The following EIF4E variants were observed in gnomAD, a reference collection of about 807,000 sequenced individuals.
EIF4E encodes the protein eIF-4F 25 kDa subunit.
For missense variants in EIF4E, 113 were observed against 265.6 expected, an observed-to-expected ratio of 0.43 and a Z score of 3.99; for synonymous variants, 71 against 88.5, an observed-to-expected ratio of 0.80 and a Z score of 1.11.
At chr4:98,912,739 T>C (rs547573057) in intron 1 of EIF4E, among the ~76,000 whole-genome samples, 4 of 152,344 alleles carry the variant, frequency 2.6e-5, no homozygotes, top group Middle Eastern at 3.4e-3. Context: ...CTTAAAGCTT[T>C]ATAAGAAGTA....
chr4:98,897,182 G>T (rs190599150), intron 2 of EIF4E, among the ~76,000 whole-genome samples: 11 of 152,076 alleles, frequency 7.2e-5, no homozygotes, highest in Non-Finnish European at 1.5e-4. Context: ...TGGTGCCTTA[G>T]CAAGAACCAA....
At chr4:98,915,744 G>A (rs1725349602) in intron 1 of EIF4E, among the ~76,000 whole-genome samples, 2 of 151,518 alleles carry the variant, frequency 1.3e-5, no homozygotes. Flanking sequence ...GTTTCGCCAT[G>A]TTGGCCAGGC....
Position 98,887,850 on chromosome 4 carries a change from G to A in EIF4E, c.285+39C>T. ...TTCTTAATGAATACCAAATGGCCCA[G>A]TCCTATAATAAATATATAAAATCAC... On this transcript the variant is annotated intron_variant, in intron 4 of 6. Transcript: ENST00000450253. This position sits in a 1 kb window ranked among gnomAD's most constrained non-coding sequence, Gnocchi z 4.0. 1 of 1,570,308 alleles carries A rather than the reference G, an allele frequency of 6.4e-7. No homozygotes were observed. Among genetic ancestry groups the A allele is most frequent in the Admixed American group, 1.7e-5 (1 of 59,374 alleles).
chr4:98,914,836 T>C (rs1725311155), intron 1 of EIF4E, among the ~76,000 whole-genome samples: 1 of 152,192 alleles, frequency 6.6e-6, no homozygotes, highest in Non-Finnish European at 1.5e-5. Context: ...CATTCTGTTG[T>C]AGGATGTTGA....
chr4:98,903,364 T>G (rs557843437), intron 1 of EIF4E: 94 of 424,238 alleles, frequency 2.2e-4, no homozygotes, highest in Non-Finnish European at 3.2e-4. Context: ...ATATGGGTTT[T>G]TTTTTTTTTT....
intron 1 of EIF4E, among the ~76,000 whole-genome samples, chr4:98,927,896 T>C (rs1422473362): frequency 6.6e-6 from 1 of 152,128 alleles, no homozygotes; most frequent in African/African-American, 2.4e-5. Flanking sequence ...GAAGTTTCAG[T>C]GAGCCAGTCC....
chr4:98,912,867 A>G (rs1725213322), intron 1 of EIF4E, among the ~76,000 whole-genome samples: 1 of 152,174 alleles, frequency 6.6e-6, no homozygotes, highest in Non-Finnish European at 1.5e-5. Flanking sequence ...AAAAAAATCA[A>G]TCTTTACATG....
intron 1 of EIF4E, among the ~76,000 whole-genome samples, chr4:98,914,396 T>TC (rs1725287369): frequency 6.6e-6 from 1 of 150,562 alleles, no homozygotes; most frequent in Non-Finnish European, 1.5e-5. Flanking sequence ...AAAGCACTTT[T>TC]TTTTTTTGCT....
At chr4:98,892,722 TGATATTTCTCA>T (rs1724207216) in intron 2 of EIF4E, among the ~76,000 whole-genome samples, 1 of 150,430 alleles carries the variant, frequency 6.6e-6, no homozygotes, top group South Asian at 2.1e-4. Flanking sequence ...ACAGGTTGGC[TGATATTTCTCA>T]GAGGAACAAA....
intron 2 of EIF4E, among the ~76,000 whole-genome samples, chr4:98,896,182 G>A (rs546311904): frequency 4.4e-5 from 6 of 135,896 alleles, no homozygotes; most frequent in Middle Eastern, 6.9e-3. Context: ...GTGACAGAGC[G>A]AGGCTCCATC....
intron 1 of EIF4E, among the ~76,000 whole-genome samples, chr4:98,924,841 C>G (rs955636613): frequency 2.6e-5 from 4 of 152,100 alleles, no homozygotes; most frequent in African/African-American, 9.7e-5. Context: ...GATCCCCACC[C>G]GCCTCGGCCT....
intron 1 of EIF4E, among the ~76,000 whole-genome samples, chr4:98,911,661 CAAAAA>C (rs767631331): frequency 1.2e-4 from 7 of 60,038 alleles, no homozygotes; most frequent in South Asian, 7.7e-4. Flanking sequence ...AACTCTGTCT[CAAAAA>C]AAAAAAAAAA....
Position 98,887,542 on chromosome 4 carries a change from T to C in EIF4E, c.285+347A>G, listed in dbSNP as rs1813867. Among the ~76,000 whole-genome samples the C allele has an allele frequency of 0.97, 148,365 of 152,246 alleles. 72,312 individuals carry two copies. Among genetic ancestry groups the C allele is most frequent in the East Asian group, 1 (5,175 of 5,180 alleles). The stretch of plus-strand genomic sequence containing the variant: ...TTTCAGTTAATGAATGTCCCGTCCC[T>C]CTACCAACTGACAAAGCCCAATAAT... On this transcript the variant is annotated intron_variant, in intron 4 of 6. Transcript: ENST00000450253. This position sits in a 1 kb window ranked among gnomAD's most constrained non-coding sequence, Gnocchi z 4.0.
chr4:98,890,942 C>G (rs1010703871), intron 3 of EIF4E: 4 of 418,370 alleles, frequency 9.6e-6, no homozygotes, highest in African/African-American at 8.1e-5. Context: ...TCTTGGCAAC[C>G]AGGAGTGGAA....
intron 5 of EIF4E, chr4:98,886,544 T>C (rs1204963326): frequency 2.4e-6 from 1 of 417,796 alleles, no homozygotes; most frequent in Non-Finnish European, 4.8e-6. Context: ...CAAGATCCCA[T>C]CTCTGGAAAA....
chr4:98,881,160 A>G lies in EIF4E; in HGVS notation c.540-18T>C, dbSNP rs775892925. 1.3e-5 allele frequency: 21 copies of G among 1,567,640 alleles called. No individual in the cohort carries two copies. In the South Asian group the frequency reaches 2.4e-4, roughly 18 times the overall value. On this transcript the variant is annotated intron_variant, in intron 6 of 6. Transcript: ENST00000450253. ...ATACCCTCCTAGAAGAAAAAAAAAA[A>G]GAAGAAGAAAAAAGTAGTCATTAAC...
chr4:98,917,507 A>C (rs1450963083), intron 1 of EIF4E, among the ~76,000 whole-genome samples: 1 of 152,168 alleles, frequency 6.6e-6, no homozygotes. Context: ...TCAGATTATC[A>C]TTTTTATGAG....
At chr4:98,895,578 G>T (rs1233657172) in intron 2 of EIF4E, 3 of 152,128 alleles carry the variant, frequency 2.0e-5, no homozygotes, top group East Asian at 1.9e-4. Flanking sequence ...ACAGAAAAAT[G>T]AGATGCATTT....
At chr4:98,918,504 T>C (rs1303228927) in intron 1 of EIF4E, among the ~76,000 whole-genome samples, 1 of 152,024 alleles carries the variant, frequency 6.6e-6, no homozygotes. Flanking sequence ...AAACCAACTA[T>C]ATTTGAAAAA....
Sources: gnomAD v4.1 joint callset for allele counts (sites outside exome capture counted in the v4.1 genomes callset) on GRCh38, gnomAD v4.1.1 for gene constraint, Gnocchi (gnomAD v3.1) non-coding constraint, MANE v1.5 for transcripts, NCBI Gene and HGNC (gene_info 2026-07-23, HGNC 2026-07-21) for gene names.